The following MAP2K4 variants were observed in gnomAD, a reference collection of about 807,000 sequenced individuals.
MAP2K4 encodes the protein mitogen-activated protein kinase kinase 4.
A neutral mutation model predicts 48.5 loss-of-function variants in MAP2K4; 4 were observed. The observed-to-expected ratio is 0.08, with a 90% CI of 0.04 to 0.19. The LOEUF is 0.19. Among genes scored for constraint, MAP2K4 ranks in the 10% least tolerant of loss-of-function variants. MAP2K4 has a pLI of 1.00. For synonymous variants in MAP2K4, 166 were observed against 173.1 expected, an observed-to-expected ratio of 0.96 and a Z score of 0.32; for missense variants, 258 against 493.3, an observed-to-expected ratio of 0.52 and a Z score of 4.52.
chr17:12,072,612 T>G (rs2151540908), intron 2 of MAP2K4, among the ~76,000 whole-genome samples: 1 of 152,278 alleles, frequency 6.6e-6, no homozygotes, highest in South Asian at 2.1e-4. Context: ...CATAAGGAAC[T>G]AGAATAAAAT....
At chr17:12,086,157 AC>A (rs1229812988) in intron 3 of MAP2K4, among the ~76,000 whole-genome samples, 1 of 152,150 alleles carries the variant, frequency 6.6e-6, no homozygotes, top group Non-Finnish European at 1.5e-5. Context: ...TATCCAAATC[AC>A]CTATGGGATG....
chr17:12,023,468 T>C (rs1324511521), intron 1 of MAP2K4, among the ~76,000 whole-genome samples: 1 of 152,200 alleles, frequency 6.6e-6, no homozygotes, highest in Non-Finnish European at 1.5e-5. Flanking sequence ...TTGATGTACT[T>C]CCATTCCTTC....
At chr17:12,139,345 T>A (rs1400176618) in intron 9 of MAP2K4, among the ~76,000 whole-genome samples, 1 of 152,206 alleles carries the variant, frequency 6.6e-6, no homozygotes, top group East Asian at 1.9e-4. Context: ...CCAAAGAACA[T>A]ATTGAGATAC....
chr17:12,025,598 C>G (rs1173105231), intron 1 of MAP2K4, among the ~76,000 whole-genome samples: 1 of 152,156 alleles, frequency 6.6e-6, no homozygotes, highest in Non-Finnish European at 1.5e-5. Flanking sequence ...GCCTCTGATT[C>G]TCTTAAAGTT....
At chr17:12,029,603 GA>G (rs1338253807) in intron 1 of MAP2K4, among the ~76,000 whole-genome samples, 2 of 152,038 alleles carry the variant, frequency 1.3e-5, no homozygotes, top group African/African-American at 4.8e-5. Flanking sequence ...TAAAGTAAGT[GA>G]ATAGGAAGTC....
chr17:12,095,726 G>T (rs1211465444), intron 4 of MAP2K4, 32 bp downstream of exon 4: 1 of 1,605,808 alleles, frequency 6.2e-7, no homozygotes, highest in African/African-American at 1.3e-5. Flanking sequence ...GCTGACTAAT[G>T]AATATCTAAT....
intron 2 of MAP2K4, chr17:12,069,642 C>T: frequency 1.0e-6 from 1 of 966,212 alleles, no homozygotes; most frequent in Non-Finnish European, 1.2e-6. Flanking sequence ...TTCAGTTTTT[C>T]CTTTTGCCTC....
chr17:12,121,379 A>G (rs1972682879), intron 7 of MAP2K4, among the ~76,000 whole-genome samples: 1 of 152,194 alleles, frequency 6.6e-6, no homozygotes, highest in South Asian at 2.1e-4. Context: ...TATCTAATAC[A>G]TAGTTCATAC....
intron 1 of MAP2K4, among the ~76,000 whole-genome samples, chr17:12,031,941 A>G (rs1969451477): frequency 6.6e-6 from 1 of 152,178 alleles, no homozygotes; most frequent in South Asian, 2.1e-4. Context: ...AACATTGAAA[A>G]AATGGACAGA....
chr17:12,139,274 G>A (rs998551774), intron 9 of MAP2K4, among the ~76,000 whole-genome samples: 2 of 152,144 alleles, frequency 1.3e-5, no homozygotes, highest in Non-Finnish European at 2.9e-5. Flanking sequence ...TGTCAACAGA[G>A]CAGACATTTT....
chr17:12,047,460 A>G (rs1215505237), intron 1 of MAP2K4, among the ~76,000 whole-genome samples: 1 of 152,216 alleles, frequency 6.6e-6, no homozygotes, highest in Non-Finnish European at 1.5e-5. Flanking sequence ...CATTTACCCA[A>G]GAGATATTAT....
intron 2 of MAP2K4, among the ~76,000 whole-genome samples, chr17:12,072,194 TAAGTA>T (rs1229156225): frequency 2.6e-5 from 4 of 152,078 alleles, no homozygotes; most frequent in African/African-American, 9.7e-5. Context: ...TCACTAAGAG[TAAGTA>T]AGCAGTTCCA....
At chr17:12,080,580 C>A (rs1971157381) in intron 2 of MAP2K4, among the ~76,000 whole-genome samples, 1 of 152,100 alleles carries the variant, frequency 6.6e-6, no homozygotes, top group Non-Finnish European at 1.5e-5. Flanking sequence ...ACGAGCCACT[C>A]ATTTTTTATC....
chr17:12,022,403 A>G (rs906916883), intron 1 of MAP2K4, among the ~76,000 whole-genome samples: 1 of 152,180 alleles, frequency 6.6e-6, no homozygotes, highest in African/African-American at 2.4e-5. Context: ...AGCACATTAT[A>G]CTGATGAAGT....
chr17:12,058,411 CCTT>C (rs1393167484), intron 2 of MAP2K4, among the ~76,000 whole-genome samples: 11 of 152,122 alleles, frequency 7.2e-5, no homozygotes, highest in African/African-American at 2.4e-4. Flanking sequence ...GGTTTCTAGG[CCTT>C]CATTTCTTCT....
At chr17:12,115,711 C>G (rs976201741) in intron 7 of MAP2K4, 21 of 763,220 alleles carry the variant, frequency 2.8e-5, no homozygotes, top group Non-Finnish European at 5.1e-5. Context: ...GCCAACTCAC[C>G]AAGCTGGGAA....
chr17:12,122,310 C>T (rs965027162), intron 7 of MAP2K4, among the ~76,000 whole-genome samples: 39 of 152,172 alleles, frequency 2.6e-4, no homozygotes, highest in Admixed American at 2.0e-4. Flanking sequence ...CCCCCTGCTG[C>T]CTGCTTTTCC....
chr17:12,035,063 CA>C (rs1031792473), intron 1 of MAP2K4, among the ~76,000 whole-genome samples: 1 of 152,164 alleles, frequency 6.6e-6, no homozygotes, highest in Non-Finnish European at 1.5e-5. Context: ...TATAAGTTCT[CA>C]GTTGCTTACA....
At chr17:12,137,178 C>T (rs1973236501) in intron 9 of MAP2K4, among the ~76,000 whole-genome samples, 2 of 152,132 alleles carry the variant, frequency 1.3e-5, no homozygotes, top group African/African-American at 4.8e-5. Flanking sequence ...ATTAGTGGGG[C>T]ACTCAGACAT....
Sources: allele counts gnomAD v4.1 joint callset (sites outside exome capture counted in the v4.1 genomes callset), GRCh38; gene constraint gnomAD v4.1.1; transcripts MANE v1.5; gene names NCBI Gene and HGNC (gene_info 2026-07-23, HGNC 2026-07-21).